CACNA1D: variants seen among roughly 807,000 people sequenced by gnomAD.
CACNA1D encodes the protein calcium voltage-gated channel subunit alpha1 D, also known as voltage-dependent L-type calcium channel subunit alpha-1D.
Under a neutral mutation model 257.1 loss-of-function variants are expected in CACNA1D, and 55 were observed. The ratio of observed to expected loss-of-function variants is 0.21; its 90% CI spans 0.17 to 0.27. The LOEUF (loss-of-function observed/expected upper bound fraction) is 0.27, where lower values mean the gene tolerates loss of function less well. Ranked by LOEUF, CACNA1D falls within the 10% of genes least tolerant of loss-of-function variation. The pLI is 1.00. For missense variants in CACNA1D, 1,876 were observed against 2,784.0 expected (o/e 0.67, Z 7.34); for synonymous variants, 980 against 1,014.9 (o/e 0.97, Z 0.65).
At chr3:53,643,993 G>A (rs1473767265) in intron 3 of CACNA1D, among the ~76,000 whole-genome samples, 1 of 152,200 alleles carries the variant, frequency 6.6e-6, no homozygotes, top group African/African-American at 2.4e-5. Flanking sequence ...TGGTATCATA[G>A]AACTTCTTAG....
intron 3 of CACNA1D, among the ~76,000 whole-genome samples, chr3:53,619,570 G>A (rs1405030457): frequency 6.6e-6 from 1 of 152,168 alleles, no homozygotes; most frequent in East Asian, 1.9e-4. Context: ...CCTTACTTTA[G>A]AGGACTGGGA....
At chr3:53,737,167 G>A (rs1364536225) in intron 20 of CACNA1D, among the ~76,000 whole-genome samples, 1 of 151,770 alleles carries the variant, frequency 6.6e-6, no homozygotes, top group Non-Finnish European at 1.5e-5. Flanking sequence ...AGGTGTGGTG[G>A]TGCACGCCTG....
intron 4 of CACNA1D, among the ~76,000 whole-genome samples, chr3:53,653,802 TTCCAA>T (rs2094121911): frequency 6.6e-6 from 1 of 152,054 alleles, no homozygotes; most frequent in Non-Finnish European, 1.5e-5. Context: ...GCTCCAGATT[TTCCAA>T]ATGTGATGAA....
rs1226443327 is a variant in CACNA1D at position 53,782,282 on chromosome 3, A to ATAT, written c.4792+616_4792+618dup. The ATAT allele has an allele frequency of 1.3e-4, 19 of 141,902 alleles. No homozygotes were observed. The South Asian group carries it at 4.1e-3, about 30-fold the overall frequency. The allele number at this position is 141,902 out of a possible 1,614,324, so 8.8% of individuals were successfully genotyped here. On this transcript the variant is annotated intron_variant, in intron 39 of 47. Coordinates refer to ENST00000350061, the MANE Select transcript of CACNA1D (RefSeq NM_001128840.3). ...TGTGTGTGTATATATATATATATAT[A>ATAT]TATATATATATGCATACTGGCTTTG...
At chr3:53,732,723 G>C (rs546403651) in intron 18 of CACNA1D, 92 bp from the exon 19 acceptor site, 1 of 1,263,832 alleles carries the variant, frequency 7.9e-7, no homozygotes, top group Admixed American at 1.7e-5. Context: ...TGTTGTTAAA[G>C]TTTAAGCCAA....
chr3:53,532,760 T>A (rs1330032971), intron 3 of CACNA1D, among the ~76,000 whole-genome samples: 2 of 152,196 alleles, frequency 1.3e-5, no homozygotes, highest in Non-Finnish European at 2.9e-5. Flanking sequence ...TAGACACTTT[T>A]TTAGCTGGGA....
intron 3 of CACNA1D, among the ~76,000 whole-genome samples, chr3:53,520,890 C>CTTTCTTTCTTTCTTTTCT (rs1366127073): frequency 1.2e-4 from 14 of 120,644 alleles, no homozygotes; most frequent in Admixed American, 5.0e-4. Context: ...TTCTTTCTTT[C>CTTTCTTTCTTTCTTTTCT]TTTCTTTTCT....
Position 53,808,705 on chromosome 3 carries a change from G to A in CACNA1D, c.5806G>A (p.Glu1936Lys). Reference protein sequence around the residue: ...ECLRRQSSQEEVPSSPIFPHR... With the variant: ...ECLRRQSSQEKVPSSPIFPHR... ...CCTGCGCCGGCAGAGCAGCCAGGAAGAGGTCCCGTCGTCTCCCATCTTCCC... is the reference window on the plus strand; with the variant it reads ...CCTGCGCCGGCAGAGCAGCCAGGAAAAGGTCCCGTCGTCTCCCATCTTCCC... The change falls in exon 46 of 48, where the codon GAG becomes AAG. Residue 1936 changes from glutamate (E) to lysine (K), a missense_variant. Around this residue, in one of 10 missense-constraint regions of CACNA1D, gnomAD observed 491 missense variants for 554.3 expected, o/e 0.89. Transcript: ENST00000350061. 6.2e-7 allele frequency: 1 copy of A among 1,609,656 alleles called. No individual in the cohort carries two copies. Among genetic ancestry groups the A allele is most frequent in the East Asian group, 2.2e-5 (1 of 44,872 alleles).
At chr3:53,734,667 G>A (rs899719182) in intron 19 of CACNA1D, among the ~76,000 whole-genome samples, 5 of 152,100 alleles carry the variant, frequency 3.3e-5, no homozygotes, top group Non-Finnish European at 5.9e-5. Flanking sequence ...ATTGCTTCAC[G>A]AGACCACAGG....
chr3:53,615,664 A>C (rs2093629533), intron 3 of CACNA1D, among the ~76,000 whole-genome samples: 1 of 152,148 alleles, frequency 6.6e-6, no homozygotes, highest in Non-Finnish European at 1.5e-5. Flanking sequence ...TCACCCTTTG[A>C]ATTCTGGACC....
At chr3:53,722,717 T>G (rs1026339502) in intron 12 of CACNA1D, among the ~76,000 whole-genome samples, 2 of 152,218 alleles carry the variant, frequency 1.3e-5, no homozygotes, top group Non-Finnish European at 1.5e-5. Context: ...TGAGCCAACC[T>G]AGGACCAAGA....
chr3:53,649,158 A>G (rs1055611331), intron 3 of CACNA1D, among the ~76,000 whole-genome samples: 3 of 152,210 alleles, frequency 2.0e-5, no homozygotes, highest in Non-Finnish European at 4.4e-5. Context: ...AGCACAGGCA[A>G]GGCTTCCATT....
chr3:53,604,455 G>A (rs745592662), intron 3 of CACNA1D, among the ~76,000 whole-genome samples: 55 of 152,172 alleles, frequency 3.6e-4, no homozygotes, highest in Non-Finnish European at 1.5e-4. Flanking sequence ...TTGTTGAGGA[G>A]GAGAAGGAGG....
rs113188202 is a variant in CACNA1D at position 53,589,057 on chromosome 3, C to T, written c.484-61722C>T. On this transcript the variant is annotated intron_variant, in intron 3 of 47. Transcript: ENST00000350061. ...TGTGTGATTCTTTCATTCTTTAGAT[C>T]TGTAGTTTTCCCTTATACAGAAGTT... Among the ~76,000 whole-genome samples the T allele has an allele frequency of 1.9e-3, 282 of 152,292 alleles. 1 individual carries two copies. The highest frequency in any genetic ancestry group is 3.0e-3 in the Non-Finnish European group (203 of 68,026).
chr3:53,625,202 G>C (rs1257948957), intron 3 of CACNA1D, among the ~76,000 whole-genome samples: 1 of 152,172 alleles, frequency 6.6e-6, no homozygotes, highest in Admixed American at 6.5e-5. Context: ...CTGACATTGA[G>C]AGTGTGCCCT....
At chr3:53,703,688 G>C (rs1047233346) in intron 9 of CACNA1D, among the ~76,000 whole-genome samples, 5 of 152,238 alleles carry the variant, frequency 3.3e-5, no homozygotes. Flanking sequence ...GGGGACCCGA[G>C]GCCGGCCCTA....
At chr3:53,805,245 A>C in intron 45 of CACNA1D, 99 bp downstream of exon 45, 1 of 1,180,482 alleles carries the variant, frequency 8.5e-7, no homozygotes, top group Non-Finnish European at 1.2e-6. Context: ...GTGTGCTGCC[A>C]GGTCAGGATC....
At chr3:53,741,018 G>A (rs2095112324) in intron 21 of CACNA1D, among the ~76,000 whole-genome samples, 1 of 152,234 alleles carries the variant, frequency 6.6e-6, no homozygotes, top group Admixed American at 6.5e-5. Context: ...CACAAAAGGA[G>A]CGCCCTTTGG....
chr3:53,555,377 G>T (rs1012319694), intron 3 of CACNA1D, among the ~76,000 whole-genome samples: 4 of 151,704 alleles, frequency 2.6e-5, no homozygotes, highest in African/African-American at 9.7e-5. Context: ...TGTGAAAGTG[G>T]CTGTGGTTGG....
Sources: gnomAD v4.1 joint callset for allele counts (sites outside exome capture counted in the v4.1 genomes callset) on GRCh38, gnomAD v4.1.1 for gene constraint, gnomAD v4.1.1 regional missense constraint, MANE v1.5 for transcripts, NCBI Gene and HGNC (gene_info 2026-07-23, HGNC 2026-07-21) for gene names.